Variants in SGCZ observed in about 807,000 individuals in gnomAD.
The protein encoded by SGCZ is sarcoglycan zeta.
Under a neutral mutation model 41.3 loss-of-function variants are expected in SGCZ, and 40 were observed. The ratio of observed to expected loss-of-function variants is 0.97; its 90% confidence interval spans 0.75 to 1.26. SGCZ has a LOEUF of 1.26. Among genes scored for constraint, SGCZ ranks in the 50% most tolerant of loss-of-function variants. The pLI, the probability that SGCZ is intolerant of heterozygous loss-of-function variation, is 0.00. For synonymous variants in SGCZ, 206 were observed against 137.5 expected, an observed-to-expected ratio of 1.50 and a Z score of -3.49; for missense variants, 552 against 369.8, an observed-to-expected ratio of 1.49 and a Z score of -4.04.
chr8:15,159,409 C>T (rs1563157249), intron 1 of SGCZ, among the ~76,000 whole-genome samples: 1 of 152,272 alleles, frequency 6.6e-6, no homozygotes, highest in Admixed American at 6.5e-5. Context: ...CATGGGAACT[C>T]TGACTTGAAA....
Position 14,388,724 on chromosome 8 carries a change from G to C in SGCZ, c.235-64520C>G, listed in dbSNP as rs113270301. 8.9e-3 allele frequency among the ~76,000 whole-genome samples: 1,351 copies of C among 151,802 alleles called. 23 individuals are homozygous for C. The highest frequency in any genetic ancestry group is 0.031 in the African/African-American group (1,264 of 41,420). The stretch of plus-strand genomic sequence containing the variant: ...TTGAAGATGAACAAGCAATGATGGA[G>C]TTATTAATGATGTAACAGTCTGTAC... On this transcript the variant is annotated intron_variant, in intron 2 of 7. Transcript: ENST00000382080.
At chr8:14,503,502 G>A (rs972885488) in intron 2 of SGCZ, among the ~76,000 whole-genome samples, 1 of 152,136 alleles carries the variant, frequency 6.6e-6, no homozygotes, top group African/African-American at 2.4e-5. Context: ...AGTCTCAGTG[G>A]CTCATGCCTG....
chr8:15,145,427 C>T (rs1212245826), intron 1 of SGCZ, among the ~76,000 whole-genome samples: 7 of 152,114 alleles, frequency 4.6e-5, no homozygotes, highest in South Asian at 2.1e-4. Context: ...AATCCCAGAT[C>T]CACATCTACT....
chr8:14,723,319 C>T (rs1394151198), intron 1 of SGCZ, among the ~76,000 whole-genome samples: 2 of 152,186 alleles, frequency 1.3e-5, no homozygotes, highest in African/African-American at 4.8e-5. Flanking sequence ...GGGCTTGTTC[C>T]TGGCCCTGAA....
chr8:14,103,283 A>G (rs529621394), intron 6 of SGCZ, among the ~76,000 whole-genome samples: 4 of 100,904 alleles, frequency 4.0e-5, no homozygotes, highest in East Asian at 8.7e-4. Flanking sequence ...AAAAGCAAAA[A>G]TGACACACAA....
chr8:14,450,786 G>C lies in SGCZ; in HGVS notation c.234+103946C>G, dbSNP rs141854134. Among the ~76,000 whole-genome samples the C allele has an allele frequency of 4.1e-4, 63 of 152,224 alleles. No homozygotes were observed. In the East Asian group the frequency reaches 0.012, roughly 29 times the overall value. On this transcript the variant is annotated intron_variant, in intron 2 of 7. Transcript: ENST00000382080. ...TGCTACAGGGCAAAATCATTTGGAGGAGAGCTCTGAAGTACACACTAAGGA... is the reference window on the plus strand; with the variant it reads ...TGCTACAGGGCAAAATCATTTGGAGCAGAGCTCTGAAGTACACACTAAGGA...
intron 1 of SGCZ, among the ~76,000 whole-genome samples, chr8:15,014,357 C>T (rs900298193): frequency 3.9e-5 from 6 of 152,158 alleles, no homozygotes; most frequent in Non-Finnish European, 8.8e-5. Context: ...TATGTGTGGC[C>T]ACAGGTGCCA....
At chr8:14,211,100 C>T (rs1382137) in intron 4 of SGCZ, among the ~76,000 whole-genome samples, 115,131 of 152,120 alleles carry the variant, frequency 0.76, 44,683 homozygotes, top group African/African-American at 0.92. Flanking sequence ...ATGATTTTGC[C>T]TGCCTCCCTA....
intron 2 of SGCZ, among the ~76,000 whole-genome samples, chr8:14,508,015 G>T (rs1402364331): frequency 6.6e-6 from 1 of 151,878 alleles, no homozygotes; most frequent in Non-Finnish European, 1.5e-5. Flanking sequence ...AGGTGATCTG[G>T]CCGCCTCGGC....
chr8:14,763,767 G>A (rs1799957997), intron 1 of SGCZ, among the ~76,000 whole-genome samples: 1 of 152,080 alleles, frequency 6.6e-6, no homozygotes, highest in South Asian at 2.1e-4. Flanking sequence ...ATATCATATA[G>A]CCTTAGTTCT....
chr8:14,099,508 C>T (rs375951507), intron 7 of SGCZ, among the ~76,000 whole-genome samples: 3 of 152,162 alleles, frequency 2.0e-5, no homozygotes, highest in Admixed American at 6.5e-5. Context: ...GGGAGGATCA[C>T]GAGGTCAGGA....
At chr8:14,932,185 C>A (rs186201748) in intron 1 of SGCZ, among the ~76,000 whole-genome samples, 17 of 151,928 alleles carry the variant, frequency 1.1e-4, no homozygotes, top group African/African-American at 4.1e-4. Flanking sequence ...GAAAATCATT[C>A]CTGCCCCTAA....
chr8:14,614,263 A>G (rs1806022450), intron 1 of SGCZ, among the ~76,000 whole-genome samples: 1 of 152,192 alleles, frequency 6.6e-6, no homozygotes, highest in Non-Finnish European at 1.5e-5. Context: ...GGATTTTTAA[A>G]CAGCACAGCA....
In SGCZ at chr8:14,085,778, G is replaced by A. The variant is rs996336760; in HGVS notation, c.*4665C>T. Among the ~76,000 whole-genome samples the A allele has an allele frequency of 4.6e-5, 7 of 151,844 alleles. No individual in the cohort carries two copies. Among genetic ancestry groups the A allele is most frequent in the African/African-American group, 1.4e-4 (6 of 41,522 alleles). On this transcript the variant is annotated 3_prime_UTR_variant, in exon 8 of 8. Transcript: ENST00000382080. ...ATGATGTTTCCCTTCTGAAACAAAA[G>A]CATTCCTTAATTTATACAACTCAGG... is the stretch of plus-strand genomic sequence containing the variant.
chr8:15,215,525 A>G (rs1026195832), intron 1 of SGCZ, among the ~76,000 whole-genome samples: 2 of 152,190 alleles, frequency 1.3e-5, no homozygotes, highest in Non-Finnish European at 2.9e-5. Context: ...AGGTGTTTAT[A>G]GTTGCATTTG....
intron 2 of SGCZ, among the ~76,000 whole-genome samples, chr8:14,435,256 G>C (rs1284820842): frequency 1.3e-5 from 2 of 151,990 alleles, no homozygotes; most frequent in African/African-American, 2.4e-5. Context: ...TGTTCCCTTT[G>C]CCTTGAATGT....
intron 3 of SGCZ, among the ~76,000 whole-genome samples, chr8:14,271,612 T>G (rs1800061270): frequency 6.6e-6 from 1 of 152,200 alleles, no homozygotes; most frequent in South Asian, 2.1e-4. Context: ...TCCTCTAACT[T>G]CCTATATGCT....
At chr8:14,123,078 C>T (rs991057408) in intron 5 of SGCZ, among the ~76,000 whole-genome samples, 10 of 152,054 alleles carry the variant, frequency 6.6e-5, no homozygotes, top group South Asian at 2.1e-4. Flanking sequence ...GAAGAACGAC[C>T]AAATTACAAA....
At chr8:14,292,635 G>C (rs947842084) in intron 3 of SGCZ, among the ~76,000 whole-genome samples, 1 of 151,930 alleles carries the variant, frequency 6.6e-6, no homozygotes, top group Non-Finnish European at 1.5e-5. Context: ...GTAATGTAGC[G>C]CATGTTGCTG....
Sources: allele counts gnomAD v4.1 joint callset (sites outside exome capture counted in the v4.1 genomes callset), GRCh38; gene constraint gnomAD v4.1.1; transcripts MANE v1.5; gene names NCBI Gene and HGNC (gene_info 2026-07-23, HGNC 2026-07-21).